The following MAP3K7CL variants were observed in gnomAD, a reference collection of about 807,000 sequenced individuals.
The protein encoded by MAP3K7CL is MAP3K7 C-terminal-like protein.
A neutral mutation model predicts 18.6 loss-of-function variants in MAP3K7CL; 16 were observed. The ratio of observed to expected loss-of-function variants is 0.86; its 90% CI spans 0.58 to 1.31. The LOEUF (loss-of-function observed/expected upper bound fraction) is 1.31, where lower values mean the gene tolerates loss of function less well. Ranked by LOEUF, MAP3K7CL falls within the 50% of genes most tolerant of loss-of-function variation. The pLI is 0.00. For missense variants in MAP3K7CL, 163 were observed against 174.4 expected (o/e 0.93, Z 0.37); for synonymous variants, 65 against 66.8 (o/e 0.97, Z 0.13).
intron 4 of MAP3K7CL, among the ~76,000 whole-genome samples, chr21:29,105,246 C>T (rs2086300704): frequency 6.6e-6 from 1 of 152,208 alleles, no homozygotes; most frequent in African/African-American, 2.4e-5. Flanking sequence ...AAAGGCCTTG[C>T]TCTCTGATCT....
At chr21:29,092,312 A>G in intron 3 of MAP3K7CL, 1 of 839,064 alleles carries the variant, frequency 1.2e-6, no homozygotes, top group East Asian at 3.1e-5. Flanking sequence ...AACCATTAAC[A>G]ACCCTCTCTA....
At chr21:29,100,367 G>A (rs910869380) in intron 4 of MAP3K7CL, among the ~76,000 whole-genome samples, 1 of 152,202 alleles carries the variant, frequency 6.6e-6, no homozygotes, top group African/African-American at 2.4e-5. Flanking sequence ...AAATAGAGAT[G>A]AATACTTTGT....
At chr21:29,110,645 C>T (rs1192390478) in intron 4 of MAP3K7CL, among the ~76,000 whole-genome samples, 2 of 152,114 alleles carry the variant, frequency 1.3e-5, no homozygotes, top group Non-Finnish European at 2.9e-5. Context: ...GATCCACCCC[C>T]GCTCAGTCTC....
At chr21:29,108,333 C>T (rs2086360186) in intron 4 of MAP3K7CL, among the ~76,000 whole-genome samples, 1 of 152,158 alleles carries the variant, frequency 6.6e-6, no homozygotes, top group Non-Finnish European at 1.5e-5. Flanking sequence ...ACGAAGAGAG[C>T]CCTCATCAGG....
upstream of MAP3K7CL, among the ~76,000 whole-genome samples, chr21:29,130,105 G>T (rs371462783): frequency 1.3e-5 from 2 of 152,140 alleles, no homozygotes; most frequent in African/African-American, 4.8e-5. Context: ...TGTGGCTTGT[G>T]TTTGCCTTCT....
At chr21:29,099,981 G>A (rs2086194949) in intron 4 of MAP3K7CL, among the ~76,000 whole-genome samples, 1 of 151,872 alleles carries the variant, frequency 6.6e-6, no homozygotes, top group African/African-American at 2.4e-5. Context: ...TACTCGGGAG[G>A]CTGAGGCAGG....
At chr21:29,173,985 C>T (rs2087905855) in intron 4 of MAP3K7CL, among the ~76,000 whole-genome samples, 1 of 152,170 alleles carries the variant, frequency 6.6e-6, no homozygotes, top group Non-Finnish European at 1.5e-5. Flanking sequence ...CAGACATGAA[C>T]CACTGTGCCC....
intron 4 of MAP3K7CL, among the ~76,000 whole-genome samples, chr21:29,093,690 G>A (rs1230498759): frequency 6.6e-6 from 1 of 151,506 alleles, no homozygotes; most frequent in Non-Finnish European, 1.5e-5. Flanking sequence ...GGGCTTCACC[G>A]TGTTGGCCAG....
chr21:29,160,154 G>T, intron 4 of MAP3K7CL, 98 bp downstream of exon 4: 1 of 815,462 alleles, frequency 1.2e-6, no homozygotes, highest in East Asian at 2.8e-5. Flanking sequence ...AGGATGACAG[G>T]GAGGCAAGGG....
chr21:29,165,604 C>T (rs1486460604), intron 4 of MAP3K7CL, among the ~76,000 whole-genome samples: 1 of 152,182 alleles, frequency 6.6e-6, no homozygotes, highest in African/African-American at 2.4e-5. Flanking sequence ...GACAGTCTTG[C>T]TCAGTCTCCC....
chr21:29,167,914 TG>T (rs2087731216), intron 4 of MAP3K7CL, among the ~76,000 whole-genome samples: 1 of 151,986 alleles, frequency 6.6e-6, no homozygotes, highest in Non-Finnish European at 1.5e-5. Flanking sequence ...TTAGCCAGGA[TG>T]GTCTTGATCT....
chr21:29,095,618 T>C (rs187162739), intron 4 of MAP3K7CL, among the ~76,000 whole-genome samples: 38 of 152,380 alleles, frequency 2.5e-4, no homozygotes, highest in African/African-American at 4.1e-4. Flanking sequence ...TCCCAACTTA[T>C]GTGCTGTGAA....
upstream of MAP3K7CL, among the ~76,000 whole-genome samples, chr21:29,084,593 G>A (rs1301837464): frequency 6.6e-6 from 1 of 152,200 alleles, no homozygotes; most frequent in Admixed American, 6.5e-5. Flanking sequence ...AATCAAGGGA[G>A]GATCTATGTG....
At chr21:29,091,719 G>A in exon 3 of MAP3K7CL, 1 of 702,438 alleles carries the variant, frequency 1.4e-6, no homozygotes, top group Non-Finnish European at 2.6e-6. Flanking sequence ...CTGGCTTCAA[G>A]CAGTCCTCCT....
At chr21:29,091,004 A>G (rs1192147731) in intron 1 of MAP3K7CL, among the ~76,000 whole-genome samples, 2 of 152,202 alleles carry the variant, frequency 1.3e-5, no homozygotes, top group Admixed American at 1.3e-4. Context: ...TTGTCAATAT[A>G]AACATTTTAT....
Position 29,160,000 on chromosome 21 carries a change from A to G in MAP3K7CL, c.192A>G (p.Gln64=), listed in dbSNP as rs1315639384. 6.2e-7 allele frequency: 1 copy of G among 1,614,118 alleles called. No homozygotes were observed. Among genetic ancestry groups the G allele is most frequent in the Non-Finnish European group, 8.5e-7 (1 of 1,179,968 alleles). Residue 64 remains glutamine, a synonymous_variant, in exon 4 of 5, where the codon CAA becomes CAG. Coordinates refer to ENST00000399928, the MANE Select transcript of MAP3K7CL (RefSeq NM_001286620.2). ...ESMEVFKQHC[Q]IAEEYHEVKK... is the part of the protein sequence containing the mutation. ...TGGAGGTGTTCAAACAGCACTGCCAAATAGCAGAAGAATACCATGAGGTCA... is the reference window on the plus strand; with the variant it reads ...TGGAGGTGTTCAAACAGCACTGCCAGATAGCAGAAGAATACCATGAGGTCA...
chr21:29,144,648 T>C (rs2087086526), intron 2 of MAP3K7CL, among the ~76,000 whole-genome samples: 1 of 152,196 alleles, frequency 6.6e-6, no homozygotes, highest in African/African-American at 2.4e-5. Context: ...GGGGTCCTTG[T>C]CTTTAGCTCT....
intron 3 of MAP3K7CL, among the ~76,000 whole-genome samples, chr21:29,155,405 C>T (rs2087377278): frequency 6.6e-6 from 1 of 152,136 alleles, no homozygotes; most frequent in Admixed American, 6.5e-5. Context: ...CAGTAGTATT[C>T]GCAGAAGCCA....
At chr21:29,102,343 GCTC>G (rs2086244668) in intron 4 of MAP3K7CL, among the ~76,000 whole-genome samples, 1 of 152,108 alleles carries the variant, frequency 6.6e-6, no homozygotes, top group South Asian at 2.1e-4. Flanking sequence ...CTTAACTGAG[GCTC>G]AAGAAACAGA....
Sources: gnomAD v4.1 joint callset for allele counts (sites outside exome capture counted in the v4.1 genomes callset) on GRCh38, gnomAD v4.1.1 for gene constraint, MANE v1.5 for transcripts, NCBI Gene and HGNC (gene_info 2026-07-23, HGNC 2026-07-21) for gene names.